The following STRN variants were observed in gnomAD, a reference collection of about 807,000 sequenced individuals.
STRN encodes the protein striatin.
STRN carries 53 observed loss-of-function variants against 96.3 expected under a neutral mutation model. The ratio of observed to expected loss-of-function variants is 0.55; its 90% CI spans 0.44 to 0.69. STRN has a LOEUF of 0.69. Ranked by LOEUF, STRN falls within the 30% of genes least tolerant of loss-of-function variation. The probability of loss-of-function intolerance (pLI) is 0.00; values close to 1 mark genes in which losing one functional copy is unlikely to be tolerated. For synonymous variants in STRN, 428 were observed against 355.9 expected (o/e 1.20, Z -2.28); for missense variants, 987 against 963.9 (o/e 1.02, Z -0.32).
chr2:36,892,211 T>C (rs577733046), intron 7 of STRN, among the ~76,000 whole-genome samples: 1 of 152,260 alleles, frequency 6.6e-6, no homozygotes, highest in African/African-American at 2.4e-5. Flanking sequence ...AGCTAAACAG[T>C]AGGCACTTAG....
chr2:36,939,523 C>T (rs1257384740), intron 1 of STRN, among the ~76,000 whole-genome samples: 1 of 152,018 alleles, frequency 6.6e-6, no homozygotes, highest in Non-Finnish European at 1.5e-5. Context: ...CAACAAAATT[C>T]AACATCTATT....
chr2:36,883,948 A>C lies in STRN; in HGVS notation c.1170T>G (p.Ile390Met). ...PSSSRLPEHE[I>M]NRADEVEALT... is the part of the protein sequence containing the mutation. ...AATACTTACCTTCATCTGCCCTATT[A>C]ATTTCATGTTCAGGAAGCCTGGAGC... Residue 390 changes from isoleucine (I) to methionine (M), a missense_variant, in exon 9 of 18, where the codon ATT (isoleucine) becomes ATG (methionine). Transcript: ENST00000263918. 1 of 1,402,464 alleles carries C rather than the reference A, an allele frequency of 7.1e-7. No homozygotes were observed. Among genetic ancestry groups the C allele is most frequent in the Non-Finnish European group, 9.3e-7 (1 of 1,072,270 alleles). The allele number at this position is 1,402,464 out of a possible 1,614,324, so 86.9% of individuals were successfully genotyped here.
At chr2:36,953,559 C>A (rs1272704538) in intron 1 of STRN, among the ~76,000 whole-genome samples, 2 of 152,058 alleles carry the variant, frequency 1.3e-5, no homozygotes, top group African/African-American at 4.8e-5. Context: ...CCCGCCACCA[C>A]ACCAGGCTAA....
At chr2:36,941,074 A>AGGCTC (rs1180910108) in intron 1 of STRN, among the ~76,000 whole-genome samples, 1 of 152,176 alleles carries the variant, frequency 6.6e-6, no homozygotes, top group Non-Finnish European at 1.5e-5. Context: ...GGATGACCTG[A>AGGCTC]ACCCAGGGAG....
intron 1 of STRN, among the ~76,000 whole-genome samples, chr2:36,929,102 C>T (rs1248882596): frequency 6.6e-6 from 1 of 152,088 alleles, no homozygotes; most frequent in Non-Finnish European, 1.5e-5. Context: ...TGTTGAACTT[C>T]CATGATACTT....
chr2:36,890,432 T>A (rs958933087), intron 7 of STRN, among the ~76,000 whole-genome samples: 2 of 151,848 alleles, frequency 1.3e-5, no homozygotes, highest in Non-Finnish European at 2.9e-5. Context: ...TTGTGTGCTA[T>A]GGTTATAAAG....
chr2:36,908,009 AAAG>A (rs1461268543), intron 3 of STRN, among the ~76,000 whole-genome samples: 10 of 152,184 alleles, frequency 6.6e-5, no homozygotes, highest in Non-Finnish European at 1.5e-4. Flanking sequence ...AAAAATAAAA[AAAG>A]AAGGGAGCAA....
rs1055919321 is a variant in STRN at position 36,840,884 on chromosome 2, G to A, written c.*8572C>T. On this transcript the variant is annotated 3_prime_UTR_variant, in exon 18 of 18. Transcript: ENST00000263918. ...AAAATCCAGAAGATTTTGAAATGCA[G>A]GAGATAAACATCACATATTCCTTAT... The A allele has an allele frequency of 6.6e-6, 1 of 152,122 alleles. No homozygotes were observed. The highest frequency in any genetic ancestry group is 6.6e-5 in the Admixed American group (1 of 15,266). The allele number at this position is 152,122 out of a possible 1,614,324, so 9.4% of individuals were successfully genotyped here.
intron 1 of STRN, among the ~76,000 whole-genome samples, chr2:36,948,081 C>CTTTTTTTTTTTTTTTTTTTTTTTT (rs553351693): frequency 1.5e-5 from 1 of 68,112 alleles, no homozygotes; most frequent in African/African-American, 6.3e-5. Context: ...TCAGTGCACT[C>CTTTTTTTTTTTTTTTTTTTTTTTT]TTTTTTTTTT....
chr2:36,886,936 TAAAA>T lies in STRN; in HGVS notation c.932-114_932-111del, dbSNP rs1168268857. ...CACTTTCTTTATAGTATCACTAACT[TAAAA>T]AAAGTCAGTTTATTCATTTTATATA... On this transcript the variant is annotated intron_variant, in intron 7 of 17. Coordinates refer to ENST00000263918, the MANE Select transcript of STRN (RefSeq NM_003162.4). 4 of 766,312 alleles carry T rather than the reference TAAAA, an allele frequency of 5.2e-6. No homozygotes were observed. In the South Asian group the frequency reaches 7.2e-5, roughly 14 times the overall value. The allele number at this position is 766,312 out of a possible 1,614,324, so 47.5% of individuals were successfully genotyped here. A position where few individuals can be genotyped will look rare whatever the true frequency, so the allele number is the denominator to read the frequency against.
Position 36,913,643 on chromosome 2 carries a change from G to C in STRN, c.412+2435C>G, listed in dbSNP as rs1325888306. ...ATCTTCCCTATAAAAATCCAACAGG[G>C]CATTGTTGTCTTATTCACTGGATTT... On this transcript the variant is annotated intron_variant, in intron 3 of 17. Transcript: ENST00000263918. Among the ~76,000 whole-genome samples the C allele has an allele frequency of 2.0e-5, 3 of 152,026 alleles. No homozygotes were observed. In the East Asian group the frequency reaches 5.8e-4, roughly 29 times the overall value.
chr2:36,917,561 A>C (rs912864341), intron 2 of STRN, among the ~76,000 whole-genome samples: 5 of 151,630 alleles, frequency 3.3e-5, no homozygotes, highest in Non-Finnish European at 7.4e-5. Context: ...AAAGAAAAAA[A>C]GAAAAGTAGA....
chr2:36,851,282 A>G (rs1024841250), intron 15 of STRN, among the ~76,000 whole-genome samples, 175 bp from the exon 16 acceptor site: 1 of 151,616 alleles, frequency 6.6e-6, no homozygotes, highest in African/African-American at 2.4e-5. Context: ...CAGGAGATCG[A>G]GACCATCCTG....
intron 14 of STRN, among the ~76,000 whole-genome samples, chr2:36,856,577 A>AT: frequency 1.3e-5 from 2 of 152,356 alleles, no homozygotes; most frequent in Middle Eastern, 6.8e-3. Flanking sequence ...TGAGTAGATA[A>AT]AACTAATCTA....
chr2:36,845,760 G>T lies in STRN; in HGVS notation c.*3696C>A, dbSNP rs1025740320. 6.6e-6 allele frequency: 1 copy of T among 151,884 alleles called. No individual in the cohort carries two copies. Among genetic ancestry groups the T allele is most frequent in the East Asian group, 1.9e-4 (1 of 5,182 alleles). 9.4% of individuals were successfully genotyped at this position (151,884 alleles called of 1,614,324 possible). A position where few individuals can be genotyped will look rare whatever the true frequency, so the allele number is the denominator to read the frequency against. The stretch of plus-strand genomic sequence containing the variant: ...CTAGGAATTCACATTCAAAATTCTT[G>T]GAAAGTATATATGGTGCTCAGAAGA... On this transcript the variant is annotated 3_prime_UTR_variant, in exon 18 of 18. Transcript: ENST00000263918.
chr2:36,867,329 T>C (rs1051009174), intron 12 of STRN: 1 of 152,076 alleles, frequency 6.6e-6, no homozygotes, highest in African/African-American at 2.4e-5. Flanking sequence ...CTCCACTGGA[T>C]CATGCCACTG....
intron 1 of STRN, among the ~76,000 whole-genome samples, chr2:36,963,161 T>C (rs1353042298): frequency 6.6e-6 from 1 of 152,308 alleles, no homozygotes; most frequent in Admixed American, 6.5e-5. Flanking sequence ...TGCTATAACG[T>C]GGCCCTTTCC....
intron 3 of STRN, among the ~76,000 whole-genome samples, chr2:36,912,776 G>A (rs879263302): frequency 6.6e-6 from 1 of 152,002 alleles, no homozygotes; most frequent in Non-Finnish European, 1.5e-5. Flanking sequence ...ACTGTCTACT[G>A]GCCATCTTCA....
intron 16 of STRN, among the ~76,000 whole-genome samples, chr2:36,850,469 G>C (rs1668191814): frequency 6.6e-6 from 1 of 152,126 alleles, no homozygotes; most frequent in African/African-American, 2.4e-5. Flanking sequence ...GGACCAACCA[G>C]TCAGTTTTAT....
Sources: allele counts gnomAD v4.1 joint callset (sites outside exome capture counted in the v4.1 genomes callset), GRCh38; gene constraint gnomAD v4.1.1; transcripts MANE v1.5; gene names NCBI Gene and HGNC (gene_info 2026-07-23, HGNC 2026-07-21).